The following CDH18 variants were observed in gnomAD, a reference collection of about 807,000 sequenced individuals.
CDH18 encodes the protein cadherin-18.
Under a neutral mutation model 67.9 loss-of-function variants are expected in CDH18, and 31 were observed. That is an observed-to-expected ratio of 0.46 (90% CI 0.34 to 0.62). CDH18 has a LOEUF of 0.62. Among genes scored for constraint, CDH18 ranks in the 20% least tolerant of loss-of-function variants. The pLI, the probability that CDH18 is intolerant of heterozygous loss-of-function variation, is 0.01. For missense variants in CDH18, 890 were observed against 975.5 expected, an observed-to-expected ratio of 0.91 and a Z score of 1.17; for synonymous variants, 362 against 347.2, an observed-to-expected ratio of 1.04 and a Z score of -0.48.
intron 1 of CDH18, among the ~76,000 whole-genome samples, chr5:20,520,163 G>C (rs995083961): frequency 6.6e-6 from 1 of 151,524 alleles, no homozygotes; most frequent in Non-Finnish European, 1.5e-5. Flanking sequence ...TCCCACTGAA[G>C]ATTATCTGGG....
chr5:20,237,062 T>A (rs1742528073), intron 2 of CDH18, among the ~76,000 whole-genome samples: 1 of 151,974 alleles, frequency 6.6e-6, no homozygotes, highest in East Asian at 1.9e-4. Context: ...ATACTCTACA[T>A]ATAACAAACT....
intron 2 of CDH18, among the ~76,000 whole-genome samples, chr5:20,144,432 C>T (rs1369097003): frequency 6.6e-6 from 1 of 152,120 alleles, no homozygotes; most frequent in Non-Finnish European, 1.5e-5. Flanking sequence ...AATGTCTATT[C>T]TACTCCTATA....
intron 3 of CDH18, among the ~76,000 whole-genome samples, chr5:19,760,223 A>G (rs1772154483): frequency 6.6e-6 from 1 of 152,142 alleles, no homozygotes; most frequent in Non-Finnish European, 1.5e-5. Flanking sequence ...AGTTCCCACC[A>G]TTAGATCTGA....
In CDH18 at chr5:19,799,435, A is replaced by AACAC. The variant is rs10545142; in HGVS notation, c.228+39320_228+39323dup. Among the ~76,000 whole-genome samples, 355 of 143,788 alleles carry AACAC rather than the reference A, an allele frequency of 2.5e-3. 1 individual carries two copies. The highest frequency in any genetic ancestry group is 8.4e-3 in the African/African-American group (330 of 39,122). 94.3% of individuals were successfully genotyped at this position (143,788 alleles called of 152,430 possible). On this transcript the variant is annotated intron_variant, in intron 3 of 12. Coordinates refer to ENST00000382275, the MANE Select transcript of CDH18 (RefSeq NM_004934.5). ...GAATGTTCCCATGTTAAATATTCTC[A>AACAC]ACACACACACACACACACACACACA...
At chr5:19,721,248 A>T in intron 5 of CDH18, 99 bp downstream of exon 5, 1 of 1,119,522 alleles carries the variant, frequency 8.9e-7, no homozygotes, top group Non-Finnish European at 1.2e-6. Flanking sequence ...TGTTAAAATC[A>T]CATCATCTAA....
At position 19,760,340 on chromosome 5, in the gene CDH18, C is replaced by T. The variant is rs576572208; in HGVS notation, c.229-13104G>A. ...GGGTATATCTTCTGGACTCTCCCAG[C>T]TGGGATGAGTAGGTCTAAAGTGACT... is the stretch of plus-strand genomic sequence containing the variant. On this transcript the variant is annotated intron_variant, in intron 3 of 12. Transcript: ENST00000382275. 5.3e-5 allele frequency among the ~76,000 whole-genome samples: 8 copies of T among 152,284 alleles called. No individual in the cohort carries two copies. The South Asian group carries it at 1.7e-3, about 32-fold the overall frequency.
At chr5:20,016,525 G>A (rs1030241116) in intron 2 of CDH18, among the ~76,000 whole-genome samples, 2 of 152,118 alleles carry the variant, frequency 1.3e-5, no homozygotes, top group African/African-American at 4.8e-5. Context: ...CATAAATGGA[G>A]GATGCTGAGG....
chr5:20,397,817 G>C (rs949335685), intron 1 of CDH18, among the ~76,000 whole-genome samples: 2 of 151,966 alleles, frequency 1.3e-5, no homozygotes, highest in African/African-American at 4.8e-5. Flanking sequence ...CTTTTTCATA[G>C]TAAGTCTTAA....
At position 19,604,580 on chromosome 5, in the gene CDH18, G is replaced by C. The variant is rs998863513; in HGVS notation, c.811+7854C>G. ...ACACACACACACACACACACACAAA[G>C]TATTCTGAGATTTTCCTGCATTTAA... On this transcript the variant is annotated intron_variant, in intron 6 of 12. Transcript: ENST00000382275. Among the ~76,000 whole-genome samples, 7 of 140,054 alleles carry C rather than the reference G, an allele frequency of 5.0e-5. No homozygotes were observed. The South Asian group carries it at 6.6e-4, about 13-fold the overall frequency. 91.9% of individuals were successfully genotyped at this position (140,054 alleles called of 152,430 possible). A position where few individuals can be genotyped will look rare whatever the true frequency, so the allele number is the denominator to read the frequency against.
intron 2 of CDH18, among the ~76,000 whole-genome samples, chr5:20,150,669 T>C (rs983434970): frequency 6.6e-6 from 1 of 152,004 alleles, no homozygotes; most frequent in Non-Finnish European, 1.5e-5. Flanking sequence ...GTTCTGTGTA[T>C]ATTGAAAATG....
At chr5:20,120,703 C>A (rs1748282592) in intron 2 of CDH18, among the ~76,000 whole-genome samples, 1 of 152,092 alleles carries the variant, frequency 6.6e-6, no homozygotes, top group Admixed American at 6.6e-5. Context: ...AGATAATAGT[C>A]TGAATGGCAT....
chr5:19,783,716 C>T (rs917239369), intron 3 of CDH18, among the ~76,000 whole-genome samples: 2 of 152,110 alleles, frequency 1.3e-5, no homozygotes, highest in Non-Finnish European at 2.9e-5. Flanking sequence ...GGTGGAGTCT[C>T]ATCTCCATGT....
chr5:20,389,371 C>A (rs1257305720), intron 1 of CDH18, among the ~76,000 whole-genome samples: 1 of 152,092 alleles, frequency 6.6e-6, no homozygotes, highest in Admixed American at 6.6e-5. Flanking sequence ...ACTAGTATTG[C>A]AACACCTGCC....
At chr5:20,404,529 G>C (rs1036587059) in intron 1 of CDH18, among the ~76,000 whole-genome samples, 1 of 152,080 alleles carries the variant, frequency 6.6e-6, no homozygotes, top group African/African-American at 2.4e-5. Flanking sequence ...CAGGGCATAA[G>C]GAGGCCTGAT....
intron 1 of CDH18, among the ~76,000 whole-genome samples, chr5:20,329,595 T>C (rs1738959917): frequency 6.6e-6 from 1 of 151,598 alleles, no homozygotes; most frequent in Non-Finnish European, 1.5e-5. Flanking sequence ...AAACCCCATC[T>C]CTACTAAAAA....
intron 1 of CDH18, among the ~76,000 whole-genome samples, chr5:20,447,688 TTG>T (rs1242126826): frequency 6.6e-6 from 1 of 152,186 alleles, no homozygotes; most frequent in Non-Finnish European, 1.5e-5. Flanking sequence ...TATTTTATTT[TTG>T]TGTGTGTCAA....
At chr5:20,273,851 T>C (rs1745612941) in intron 1 of CDH18, among the ~76,000 whole-genome samples, 2 of 152,232 alleles carry the variant, frequency 1.3e-5, no homozygotes, top group South Asian at 2.1e-4. Flanking sequence ...AAATCAGTCA[T>C]TACAGGTTAA....
chr5:19,832,083 T>C (rs1271145614), intron 3 of CDH18, among the ~76,000 whole-genome samples: 1 of 152,066 alleles, frequency 6.6e-6, no homozygotes, highest in East Asian at 1.9e-4. Flanking sequence ...GATATGAACA[T>C]TAGACAGGGG....
At chr5:19,489,470 A>C (rs1561180354) in intron 11 of CDH18, among the ~76,000 whole-genome samples, 1 of 151,918 alleles carries the variant, frequency 6.6e-6, no homozygotes, top group Non-Finnish European at 1.5e-5. Context: ...GCTGGTCTCA[A>C]ACTCCTGACC....
Sources: gnomAD v4.1 joint callset for allele counts (sites outside exome capture counted in the v4.1 genomes callset) on GRCh38, gnomAD v4.1.1 for gene constraint, MANE v1.5 for transcripts, NCBI Gene and HGNC (gene_info 2026-07-23, HGNC 2026-07-21) for gene names.